The following STK24 variants were observed in gnomAD, a reference collection of about 807,000 sequenced individuals.
STK24 encodes the protein serine/threonine-protein kinase 24.
Under a neutral mutation model 55.6 loss-of-function variants are expected in STK24, and 21 were observed. The observed-to-expected ratio is 0.38, with a 90% confidence interval of 0.27 to 0.54. The LOEUF is 0.54. Among genes scored for constraint, STK24 ranks in the 20% least tolerant of loss-of-function variants. STK24 has a pLI of 0.79. For missense variants in STK24, 383 were observed against 538.4 expected (o/e 0.71, Z 2.86); for synonymous variants, 200 against 215.2 (o/e 0.93, Z 0.62).
intron 1 of STK24, among the ~76,000 whole-genome samples, chr13:98,559,001 C>T (rs1361274812): frequency 1.9e-5 from 1 of 51,282 alleles, no homozygotes; most frequent in Non-Finnish European, 3.5e-5. Context: ...CCTGTCTCTA[C>T]TAAAAAAAAA....
intron 2 of STK24, among the ~76,000 whole-genome samples, chr13:98,500,876 C>CTTTTTT (rs1895430468): frequency 6.6e-6 from 1 of 152,066 alleles, no homozygotes. Flanking sequence ...GATGCTCACA[C>CTTTTTT]TTTTTAATGA....
At chr13:98,568,585 G>A (rs568367668) in intron 1 of STK24, among the ~76,000 whole-genome samples, 8 of 152,334 alleles carry the variant, frequency 5.3e-5, no homozygotes, top group Admixed American at 2.0e-4. Context: ...GGGGAATGAA[G>A]GCCGGGGATG....
At chr13:98,521,679 A>G (rs554913585) in intron 1 of STK24, 1 of 703,588 alleles carries the variant, frequency 1.4e-6, no homozygotes, top group Admixed American at 1.9e-5. Flanking sequence ...GCTTTCGGGG[A>G]TGCGGGGGAA....
chr13:98,477,850 A>AG (rs986234207), intron 3 of STK24, among the ~76,000 whole-genome samples: 1 of 152,068 alleles, frequency 6.6e-6, no homozygotes, highest in African/African-American at 2.4e-5. Context: ...TCATTCCCAA[A>AG]GGGCGCTAAG....
chr13:98,534,107 C>T (rs1234498063), intron 1 of STK24, among the ~76,000 whole-genome samples: 1 of 152,182 alleles, frequency 6.6e-6, no homozygotes, highest in Non-Finnish European at 1.5e-5. Context: ...CAGAGGCAGC[C>T]GAGGAGGCAA....
At position 98,548,018 on chromosome 13, in the gene STK24, G is replaced by A. The variant is rs150121536; in HGVS notation, c.43-28545C>T. On this transcript the variant is annotated intron_variant, in intron 1 of 10. Coordinates refer to ENST00000539966, the MANE Select transcript of STK24 (RefSeq NM_001032296.4). ...GAACTCAGAGAGACTCTAACTTCCC[G>A]CTCCAGCAGCAAATCTACTGGAGGA... 4.8e-4 allele frequency among the ~76,000 whole-genome samples: 73 copies of A among 152,180 alleles called. 2 individuals carry two copies. Among genetic ancestry groups the A allele is most frequent in the East Asian group, 1.7e-3 (9 of 5,178 alleles).
intron 1 of STK24, among the ~76,000 whole-genome samples, chr13:98,526,824 C>T (rs1896442660): frequency 6.6e-6 from 1 of 152,164 alleles, no homozygotes; most frequent in South Asian, 2.1e-4. Context: ...GGAATTTGCT[C>T]ATCAGCTTCA....
At chr13:98,489,702 G>A (rs1894946078) in intron 2 of STK24, among the ~76,000 whole-genome samples, 1 of 152,204 alleles carries the variant, frequency 6.6e-6, no homozygotes, top group South Asian at 2.1e-4. Flanking sequence ...CTGGGGCAGG[G>A]GGTGTGTTTC....
chr13:98,566,732 G>C (rs1216260930), intron 1 of STK24, among the ~76,000 whole-genome samples: 1 of 152,198 alleles, frequency 6.6e-6, no homozygotes, highest in East Asian at 1.9e-4. Flanking sequence ...CAAGCAACAG[G>C]GAAGCAGGTG....
intron 1 of STK24, among the ~76,000 whole-genome samples, chr13:98,546,055 G>A (rs1430029414): frequency 6.6e-6 from 1 of 152,210 alleles, no homozygotes; most frequent in Non-Finnish European, 1.5e-5. Context: ...GGGTTTCACT[G>A]ATGAAGGCTA....
intron 1 of STK24, among the ~76,000 whole-genome samples, chr13:98,531,098 T>C (rs1208218801): frequency 6.6e-6 from 1 of 152,202 alleles, no homozygotes; most frequent in Non-Finnish European, 1.5e-5. Context: ...GTCATCTAAT[T>C]AAACTGGCCA....
intron 2 of STK24, among the ~76,000 whole-genome samples, chr13:98,507,375 G>T (rs1566374978): frequency 6.6e-6 from 1 of 152,160 alleles, no homozygotes; most frequent in African/African-American, 2.4e-5. Context: ...AGCAAGACAG[G>T]CCTGCGGGCT....
At chr13:98,464,549 T>A (rs924272361) in intron 6 of STK24, among the ~76,000 whole-genome samples, 2 of 144,512 alleles carry the variant, frequency 1.4e-5, no homozygotes, top group African/African-American at 5.1e-5. Flanking sequence ...CAGGCTGGAG[T>A]GCAGTGGCAC....
rs756762018 is a variant in STK24 at position 98,466,445 on chromosome 13, C to T, written c.714G>A (p.Thr238=). 3.5e-5 allele frequency: 56 copies of T among 1,613,770 alleles called. 1 individual carries two copies. The highest frequency in any genetic ancestry group is 5.0e-5 in the Admixed American group (3 of 59,998). ...GGGGTTTACTGTAGTTTCCTTCCAACGTCGGTGGGTTGTTCTTTGGAATGA... is the reference window on the plus strand; with the variant it reads ...GGGGTTTACTGTAGTTTCCTTCCAATGTCGGTGGGTTGTTCTTTGGAATGA... The part of the protein sequence containing the change: ...LFLIPKNNPP[T]LEGNYSKPLK... The change falls in exon 6 of 11, where the codon ACG becomes ACA. Residue 238 remains threonine (T), a synonymous_variant. Transcript: ENST00000539966.
At chr13:98,520,108 A>G (rs769640508) in intron 1 of STK24, among the ~76,000 whole-genome samples, 1 of 152,202 alleles carries the variant, frequency 6.6e-6, no homozygotes, top group Non-Finnish European at 1.5e-5. Context: ...ACATACATAT[A>G]TAGTATACAT....
Position 98,553,054 on chromosome 13 carries a change from G to C in STK24, c.42+23691C>G, listed in dbSNP as rs1265682852. On this transcript the variant is annotated intron_variant, in intron 1 of 10. Coordinates refer to ENST00000539966, the MANE Select transcript of STK24 (RefSeq NM_001032296.4). ...GCTGACACCAGGGGAGACCCCGTGG[G>C]TGTGGGAGCCAAGGGGATGGGAAAT... Among the ~76,000 whole-genome samples, 2 of 152,176 alleles carry C rather than the reference G, an allele frequency of 1.3e-5. 1 individual carries two copies. The highest frequency in any genetic ancestry group is 4.8e-5 in the African/African-American group (2 of 41,428).
At chr13:98,561,097 G>A (rs1260520342) in intron 1 of STK24, among the ~76,000 whole-genome samples, 2 of 152,090 alleles carry the variant, frequency 1.3e-5, no homozygotes, top group African/African-American at 4.8e-5. Context: ...TCCTTGTTTC[G>A]AATACAACTG....
At chr13:98,510,140 G>C (rs976939729) in intron 2 of STK24, among the ~76,000 whole-genome samples, 2 of 152,182 alleles carry the variant, frequency 1.3e-5, no homozygotes, top group African/African-American at 4.8e-5. Context: ...GGACGTGTGG[G>C]AGCAAACAAG....
At position 98,453,126 on chromosome 13, in the gene STK24, T is replaced by A; in HGVS notation, c.*47A>T. On this transcript the variant is annotated 3_prime_UTR_variant, in exon 11 of 11. Transcript: ENST00000539966. ...GTTGACTTTTAAAAAAGGAGGAGGA[T>A]GAAGAAGGAAAAAAGGAAAAACAAA... 1.2e-6 allele frequency: 2 copies of A among 1,606,308 alleles called. No homozygotes were observed. Among genetic ancestry groups the A allele is most frequent in the South Asian group, 2.2e-5 (2 of 90,632 alleles).
Sources: allele counts gnomAD v4.1 joint callset (sites outside exome capture counted in the v4.1 genomes callset), GRCh38; gene constraint gnomAD v4.1.1; transcripts MANE v1.5; gene names NCBI Gene and HGNC (gene_info 2026-07-23, HGNC 2026-07-21).